The following HAT1 variants were observed in gnomAD, a reference collection of about 807,000 sequenced individuals.
HAT1 encodes histone acetyltransferase type B catalytic subunit.
In HAT1, 20 loss-of-function variants were observed where a neutral mutation model predicts 56.6. The observed-to-expected ratio is 0.35, with a 90% CI of 0.25 to 0.51. HAT1 has a LOEUF of 0.51. Ranked by LOEUF, HAT1 falls within the 20% of genes least tolerant of loss-of-function variation. The pLI is 0.95. For synonymous variants in HAT1, 146 were observed against 165.5 expected (o/e 0.88, Z 0.91); for missense variants, 408 against 504.3 (o/e 0.81, Z 1.83).
rs140950628 is a variant in HAT1 at position 171,965,442 on chromosome 2, A to G, written c.414A>G (p.Pro138=). The part of the protein sequence containing the change: ...SLLEKEVDFK[P]FGTLLHTYSV... ...TGGAAAAGGAAGTTGATTTCAAGCC[A>G]TTCGGAACCTTACTTCATACCTACT... The change falls in exon 5 of 11, where the codon CCA becomes CCG. Residue 138 remains proline, a synonymous_variant. Transcript: ENST00000264108. 13 of 1,611,640 alleles carry G rather than the reference A, an allele frequency of 8.1e-6. No individual in the cohort carries two copies. The African/African-American group carries it at 1.5e-4, about 18-fold the overall frequency.
intron 3 of HAT1, among the ~76,000 whole-genome samples, chr2:171,951,436 T>C (rs1316811468): frequency 3.3e-5 from 5 of 152,122 alleles, no homozygotes; most frequent in Non-Finnish European, 5.9e-5. Context: ...TTTTAATTTT[T>C]TGAGACGGAG....
chr2:171,979,605 C>G (rs1336321459), intron 10 of HAT1: 2 of 314,976 alleles, frequency 6.3e-6, no homozygotes, highest in Non-Finnish European at 1.2e-5. Flanking sequence ...GTCAGAAGTT[C>G]AAGACCAGCC....
At chr2:171,927,612 A>G (rs868605189) in intron 2 of HAT1, among the ~76,000 whole-genome samples, 1 of 152,156 alleles carries the variant, frequency 6.6e-6, no homozygotes, top group South Asian at 2.1e-4. Flanking sequence ...TTTTAGAGAC[A>G]GAGTCTCACT....
At chr2:171,981,500 C>A (rs1481696339) in intron 10 of HAT1, among the ~76,000 whole-genome samples, 1 of 152,178 alleles carries the variant, frequency 6.6e-6, no homozygotes, top group Non-Finnish European at 1.5e-5. Context: ...GCTGATGGTT[C>A]ATTGGCTGAC....
intron 3 of HAT1, among the ~76,000 whole-genome samples, chr2:171,948,900 G>T (rs955930064): frequency 2.0e-5 from 3 of 152,072 alleles, no homozygotes; most frequent in Non-Finnish European, 4.4e-5. Context: ...AGTTAACTTG[G>T]GTCACTTGGT....
At chr2:171,955,197 C>T (rs1158274396) in intron 4 of HAT1, among the ~76,000 whole-genome samples, 1 of 152,110 alleles carries the variant, frequency 6.6e-6, no homozygotes, top group Non-Finnish European at 1.5e-5. Context: ...GCTGCTATAA[C>T]CAATAACTAA....
intron 1 of HAT1, chr2:171,924,055 TC>T (rs1227616387): frequency 6.6e-6 from 1 of 152,178 alleles, no homozygotes; most frequent in East Asian, 1.9e-4. Context: ...ATAGTCAGAA[TC>T]CAGGAATTCT....
At chr2:171,934,612 A>G (rs1409003508) in intron 2 of HAT1, among the ~76,000 whole-genome samples, 1 of 152,188 alleles carries the variant, frequency 6.6e-6, no homozygotes, top group Admixed American at 6.5e-5. Flanking sequence ...AGGAGTGAGT[A>G]GACTTGAGAA....
rs587686867 is a variant in HAT1 at position 171,953,626 on chromosome 2, TAAAAA to T, written c.309+650_309+654del. ...GGCAACAGAACAAGACCCTGTCTCT[TAAAAA>T]AAAAAAAAAAAAAAAAAAAAAAAAT... is the stretch of plus-strand genomic sequence containing the variant. On this transcript the variant is annotated intron_variant, in intron 4 of 10. Transcript: ENST00000264108. Among the ~76,000 whole-genome samples, 32 of 84,610 alleles carry T rather than the reference TAAAAA, an allele frequency of 3.8e-4. 2 individuals carry two copies. Among genetic ancestry groups the T allele is most frequent in the East Asian group, 3.2e-3 (5 of 1,544 alleles). 55.5% of individuals were successfully genotyped at this position (84,610 alleles called of 152,430 possible). A position where few individuals can be genotyped will look rare whatever the true frequency, so the allele number is the denominator to read the frequency against.
intron 8 of HAT1, among the ~76,000 whole-genome samples, chr2:171,969,702 C>A (rs1209350155): frequency 2.0e-5 from 3 of 152,128 alleles, no homozygotes; most frequent in East Asian, 1.9e-4. Flanking sequence ...TATTATCAGT[C>A]ATAATGGCTT....
At chr2:171,951,766 T>A (rs1362806857) in intron 3 of HAT1, among the ~76,000 whole-genome samples, 1 of 152,112 alleles carries the variant, frequency 6.6e-6, no homozygotes, top group Non-Finnish European at 1.5e-5. Context: ...TTTTGCACAC[T>A]GTTTTGCGTA....
At chr2:171,976,385 T>C in intron 9 of HAT1, 77 bp downstream of exon 9, 1 of 732,418 alleles carries the variant, frequency 1.4e-6, no homozygotes, top group South Asian at 3.2e-5. Flanking sequence ...ACTAAAATAT[T>C]ATAAAGACAT....
At chr2:171,944,377 C>T (rs971762531) in intron 2 of HAT1, among the ~76,000 whole-genome samples, 5 of 152,094 alleles carry the variant, frequency 3.3e-5, no homozygotes, top group Admixed American at 3.3e-4. Context: ...CTCCTCTATC[C>T]TCTGTATTTC....
At chr2:171,944,711 T>C (rs1175501951) in intron 2 of HAT1, among the ~76,000 whole-genome samples, 1 of 152,220 alleles carries the variant, frequency 6.6e-6, no homozygotes, top group Non-Finnish European at 1.5e-5. Context: ...CCACAATGAA[T>C]GATGCTAAGT....
At chr2:171,953,542 T>G (rs1188019048) in intron 4 of HAT1, among the ~76,000 whole-genome samples, 2 of 143,768 alleles carry the variant, frequency 1.4e-5, no homozygotes, top group Non-Finnish European at 3.0e-5. Context: ...GAGGATTACT[T>G]GAGCCCAGGA....
intron 2 of HAT1, among the ~76,000 whole-genome samples, chr2:171,936,126 A>G (rs1003165004): frequency 5.3e-5 from 8 of 152,220 alleles, no homozygotes; most frequent in Admixed American, 3.3e-4. Context: ...TTAATTTTGA[A>G]GTTACCAAGA....
chr2:171,967,725 T>C (rs999125632), intron 8 of HAT1, among the ~76,000 whole-genome samples: 2 of 152,154 alleles, frequency 1.3e-5, no homozygotes, highest in Non-Finnish European at 2.9e-5. Context: ...TATTGAAAAA[T>C]ACTTTACCAG....
intron 10 of HAT1, among the ~76,000 whole-genome samples, chr2:171,981,073 G>A (rs1483104848): frequency 1.3e-5 from 2 of 151,890 alleles, no homozygotes; most frequent in Non-Finnish European, 2.9e-5. Flanking sequence ...CGGAGGCTGA[G>A]GCAGGAGAAT....
intron 4 of HAT1, 118 bp downstream of exon 4, chr2:171,953,119 C>T (rs1413466465): frequency 1.9e-6 from 1 of 526,260 alleles, no homozygotes; most frequent in Non-Finnish European, 3.2e-6. Context: ...CCAAGGGGGG[C>T]AGATCTTTTG....
Sources: gnomAD v4.1 joint callset for allele counts (sites outside exome capture counted in the v4.1 genomes callset) on GRCh38, gnomAD v4.1.1 for gene constraint, MANE v1.5 for transcripts, NCBI Gene and HGNC (gene_info 2026-07-23, HGNC 2026-07-21) for gene names.